RCCD1: variants seen among roughly 807,000 people sequenced by gnomAD.
RCCD1 encodes the protein RCC1 domain containing 1, also known as RCC1 domain-containing protein 1.
RCCD1 carries 40 observed loss-of-function variants against 37.6 expected under a neutral mutation model. The observed-to-expected ratio is 1.06, with a 90% CI of 0.83 to 1.39. The LOEUF (loss-of-function observed/expected upper bound fraction) is 1.39, where lower values mean the gene tolerates loss of function less well. RCCD1 is among the 40% of genes most tolerant of loss of function. RCCD1 has a pLI of 0.00. For missense variants in RCCD1, 577 were observed against 517.3 expected (o/e 1.12, Z -1.12); for synonymous variants, 263 against 230.0 (o/e 1.14, Z -1.30).
chr15:90,956,757 C>T lies in RCCD1; in HGVS notation c.23C>T (p.Ala8Val), dbSNP rs1245579377. 4 of 1,327,632 alleles carry T rather than the reference C, an allele frequency of 3.0e-6. No homozygotes were observed. Among genetic ancestry groups the T allele is most frequent in the Non-Finnish European group, 3.9e-6 (4 of 1,038,748 alleles). The allele number at this position is 1,327,632 out of a possible 1,614,324, so 82.2% of individuals were successfully genotyped here. A position where few individuals can be genotyped will look rare whatever the true frequency, so the allele number is the denominator to read the frequency against. The change falls in exon 2 of 8, where the codon GCC (alanine) becomes GTC (valine). Residue 8 changes from alanine (A) to valine (V), a missense_variant. Physicochemically the swap from Ala to Val is moderately conservative, Grantham distance 64 (BLOSUM62 0). Transcript: ENST00000394258. Reference sequence around the variant, plus strand: ...GGCATGGCGGAGGAGCGGCCGGGGGCCTGGTTCGGCTTCGGTTTCTGCGGC... The same window carrying T: ...GGCATGGCGGAGGAGCGGCCGGGGGTCTGGTTCGGCTTCGGTTTCTGCGGC... MAEERPGAWFGFGFCGFG... is the reference protein window; with the variant it reads MAEERPGVWFGFGFCGFG...
At position 90,960,674 on chromosome 15, in the gene RCCD1, G is replaced by A. The variant is rs1291311147; in HGVS notation, c.949+176G>A. On this transcript the variant is annotated intron_variant, in intron 6 of 7. Transcript: ENST00000394258. ...TCACAGTAGTTCCCCAGCCTGTCAG[G>A]CCCAGAAGTTTCTTCCTTCTGGTGG... 4 of 648,838 alleles carry A rather than the reference G, an allele frequency of 6.2e-6. No homozygotes were observed. In the African/African-American group the frequency reaches 7.3e-5, roughly 12 times the overall value. The allele number at this position is 648,838 out of a possible 1,614,324, so 40.2% of individuals were successfully genotyped here.
At chr15:90,960,531 C>T (rs781676652) in intron 6 of RCCD1, 33 bp downstream of exon 6, 33 of 1,580,292 alleles carry the variant, frequency 2.1e-5, no homozygotes, top group East Asian at 1.3e-4. Flanking sequence ...CTGCTCCACT[C>T]GAGCTGGTGC....
In RCCD1 at chr15:90,961,951, GCTGC is replaced by G; in HGVS notation, c.*185_*188del. On this transcript the variant is annotated 3_prime_UTR_variant, in exon 8 of 8. Transcript: ENST00000394258. The stretch of plus-strand genomic sequence containing the variant: ...ACACCTGGAGAGCATTGAAAACTCT[GCTGC>G]CTAAGGTCAGCATCAATCAAAACAA... 2.1e-6 allele frequency: 1 copy of G among 478,316 alleles called. No homozygotes were observed. The highest frequency in any genetic ancestry group is 3.7e-6 in the Non-Finnish European group (1 of 271,810). The allele number at this position is 478,316 out of a possible 1,614,324, so 29.6% of individuals were successfully genotyped here.
chr15:90,961,456 C>A, intron 7 of RCCD1, 162 bp from the exon 8 acceptor site: 1 of 764,354 alleles, frequency 1.3e-6, no homozygotes, highest in Non-Finnish European at 2.0e-6. Flanking sequence ...CGCCACTAGC[C>A]TCTTGGGGAT....
At chr15:90,958,860 G>C (rs869523) in intron 4 of RCCD1, among the ~76,000 whole-genome samples, 1 of 150,206 alleles carries the variant, frequency 6.7e-6, no homozygotes, top group African/African-American at 2.5e-5. Flanking sequence ...TGAGCCACGC[G>C]TGAGTGGAGG....
chr15:90,957,565 T>C lies in RCCD1; in HGVS notation c.558-39T>C, dbSNP rs989766498. The C allele has an allele frequency of 1.9e-6, 3 of 1,612,980 alleles. No homozygotes were observed. In the African/African-American group the frequency reaches 4.0e-5, roughly 22 times the overall value. On this transcript the variant is annotated intron_variant, in intron 3 of 7. Transcript: ENST00000394258. The stretch of plus-strand genomic sequence containing the variant: ...GGAGAAGCAAGCGGAGCGGGACCCC[T>C]TAATGCGACTGTAGCTGACGACGGT...
chr15:90,957,762 T>C (rs750026472), intron 4 of RCCD1, 37 bp downstream of exon 4: 4 of 1,563,946 alleles, frequency 2.6e-6, no homozygotes, highest in Non-Finnish European at 3.5e-6. Context: ...GAGCTCATGA[T>C]CTTGTGCAAA....
chr15:90,959,506 C>T (rs144328636), intron 4 of RCCD1, among the ~76,000 whole-genome samples: 3 of 152,240 alleles, frequency 2.0e-5, no homozygotes, highest in African/African-American at 2.4e-5. Context: ...AGGCTAGTCT[C>T]GAACTTTTGA....
At chr15:90,954,971 C>G (rs1238250741) in intron 1 of RCCD1, 23 bp downstream of exon 1, 1 of 152,326 alleles carries the variant, frequency 6.6e-6, no homozygotes, top group Admixed American at 6.5e-5. Context: ...GTCCGCCCGT[C>G]TTGGGCGTCA....
In RCCD1 at chr15:90,962,886, A is replaced by G. The variant is rs1221495713; in HGVS notation, c.*1117A>G. The G allele has an allele frequency of 6.6e-6, 1 of 152,178 alleles. No homozygotes were observed. The highest frequency in any genetic ancestry group is 1.5e-5 in the Non-Finnish European group (1 of 68,024). 9.4% of individuals were successfully genotyped at this position (152,178 alleles called of 1,614,324 possible). A position where few individuals can be genotyped will look rare whatever the true frequency, so the allele number is the denominator to read the frequency against. The stretch of plus-strand genomic sequence containing the variant: ...GTCTCTCTTGGTATTACCAATTTTA[A>G]TACTTAGGTGATGCTTACTCCATGC... On this transcript the variant is annotated 3_prime_UTR_variant, in exon 8 of 8. Transcript: ENST00000394258.
At position 90,961,650 on chromosome 15, in the gene RCCD1, A is replaced by T; in HGVS notation, c.1012A>T (p.Thr338Ser). 1 of 1,614,098 alleles carries T rather than the reference A, an allele frequency of 6.2e-7. No homozygotes were observed. The highest frequency in any genetic ancestry group is 1.3e-5 in the African/African-American group (1 of 75,048). The stretch of plus-strand genomic sequence containing the variant: ...TGGACAGCTGGGCCACGAGGACACC[A>T]CCAGCTTGGATCGGCCTCGCCGTGT... ...KYGQLGHEDT[T>S]SLDRPRRVEY... The change falls in exon 8 of 8, where the codon ACC becomes TCC. Residue 338 changes from threonine (T) to serine (S), a missense_variant. Physicochemically the swap from Thr to Ser is moderately conservative, Grantham distance 58 (BLOSUM62 1). Coordinates refer to ENST00000394258, the MANE Select transcript of RCCD1 (RefSeq NM_001017919.2).
At chr15:90,956,582 C>T (rs2037197632) in intron 1 of RCCD1, 30 bp from the exon 2 acceptor site, 8 of 723,008 alleles carry the variant, frequency 1.1e-5, no homozygotes, top group Non-Finnish European at 1.3e-5. Flanking sequence ...CCTTTGTGGT[C>T]GGGAGAATGA....
intron 7 of RCCD1, 141 bp downstream of exon 7, chr15:90,961,195 C>A: frequency 1.3e-6 from 1 of 796,214 alleles, no homozygotes; most frequent in Non-Finnish European, 2.0e-6. Flanking sequence ...CTGCTCCCTC[C>A]CTGGGGTTGG....
chr15:90,957,495 C>T lies in RCCD1; in HGVS notation c.549C>T (p.Gly183=), dbSNP rs1401490652. Residue 183 remains glycine, a synonymous_variant, in exon 3 of 8, where the codon GGC becomes GGT. Transcript: ENST00000394258. ...LDAAGQVFSW[G]GGRHGQLGHG... ...CTGCTGGCCAGGTGTTCTCCTGGGG[C>T]GGGGGCAGGTGAGCGGAGGCGGGGG... 1.3e-6 allele frequency: 2 copies of T among 1,557,486 alleles called. No homozygotes were observed. Among genetic ancestry groups the T allele is most frequent in the South Asian group, 1.2e-5 (1 of 86,740 alleles).
In RCCD1 at chr15:90,957,104, G is replaced by C; in HGVS notation, c.167-9G>C. The stretch of plus-strand genomic sequence containing the variant: ...CATTCTGGCCACCCTGCTCCAATCC[G>C]CCCCGCAGGTGGAGGCCGCTTGGAG... On this transcript the variant is annotated splice_polypyrimidine_tract_variant and intron_variant, in intron 2 of 7. Transcript: ENST00000394258. The C allele has an allele frequency of 7.5e-7, 1 of 1,339,894 alleles. No homozygotes were observed. The highest frequency in any genetic ancestry group is 1.9e-5 in the South Asian group (1 of 51,346). 83.0% of individuals were successfully genotyped at this position (1,339,894 alleles called of 1,614,324 possible).
At position 90,956,889 on chromosome 15, in the gene RCCD1, C is replaced by G. The variant is rs745811931; in HGVS notation, c.155C>G (p.Ala52Gly). The change falls in exon 2 of 8, where the codon GCT becomes GGT. Residue 52 changes from alanine (A) to glycine (G), a missense_variant. Coordinates refer to ENST00000394258, the MANE Select transcript of RCCD1 (RefSeq NM_001017919.2). ...GTGAGCGCGAGCTGGAGCTACACCG[C>G]TTTCGTGACCCGTGAGCACTCCCCG... ...CRVSASWSYT[A>G]FVTRGGRLEL... 1 of 1,287,300 alleles carries G rather than the reference C, an allele frequency of 7.8e-7. No homozygotes were observed. Among genetic ancestry groups the G allele is most frequent in the Non-Finnish European group, 9.8e-7 (1 of 1,017,700 alleles). The allele number at this position is 1,287,300 out of a possible 1,614,324, so 79.7% of individuals were successfully genotyped here. A position where few individuals can be genotyped will look rare whatever the true frequency, so the allele number is the denominator to read the frequency against.
intron 4 of RCCD1, among the ~76,000 whole-genome samples, chr15:90,959,034 C>T (rs1415127375): frequency 6.6e-6 from 1 of 151,890 alleles, no homozygotes; most frequent in African/African-American, 2.4e-5. Context: ...ACTCAAGGTC[C>T]AGAAGGAGTT....
intron 4 of RCCD1, among the ~76,000 whole-genome samples, chr15:90,958,694 G>A (rs1176058983): frequency 2.6e-5 from 4 of 151,166 alleles, no homozygotes; most frequent in Non-Finnish European, 4.4e-5. Flanking sequence ...CTCATGGAAT[G>A]GGCCTGGGCT....
chr15:90,961,781 A>G lies in RCCD1; in HGVS notation c.*12A>G, dbSNP rs2037320660. On this transcript the variant is annotated 3_prime_UTR_variant, in exon 8 of 8. Coordinates refer to ENST00000394258, the MANE Select transcript of RCCD1 (RefSeq NM_001017919.2). Reference sequence around the variant, plus strand: ...AAGGGAAGAGCTGACATGTGTACGTATATGTATATGCAACACCTGTGAGAC... The same window carrying G: ...AAGGGAAGAGCTGACATGTGTACGTGTATGTATATGCAACACCTGTGAGAC... 12 of 1,611,074 alleles carry G rather than the reference A, an allele frequency of 7.4e-6. No homozygotes were observed. The highest frequency in any genetic ancestry group is 9.3e-6 in the Non-Finnish European group (11 of 1,178,048).
Sources: allele counts gnomAD v4.1 joint callset (sites outside exome capture counted in the v4.1 genomes callset), GRCh38; gene constraint gnomAD v4.1.1; transcripts MANE v1.5; gene names NCBI Gene and HGNC (gene_info 2026-07-23, HGNC 2026-07-21).